PAM: variants seen among roughly 807,000 people sequenced by gnomAD.
PAM encodes the protein peptidylglycine alpha-amidating monooxygenase.
PAM carries 72 observed loss-of-function variants against 122.1 expected under a neutral mutation model. That is an observed-to-expected ratio of 0.59 (90% confidence interval 0.49 to 0.72). The LOEUF is 0.72. Ranked by LOEUF, PAM falls within the 30% of genes least tolerant of loss-of-function variation. The pLI, the probability that PAM is intolerant of heterozygous loss-of-function variation, is 0.00. For synonymous variants in PAM, 389 were observed against 404.4 expected (o/e 0.96, Z 0.46); for missense variants, 1,106 against 1,183.7 (o/e 0.93, Z 0.96).
chr5:103,005,254 T>C (rs1395392810), intron 18 of PAM, 28 bp downstream of exon 18: 1 of 996,376 alleles, frequency 1.0e-6, no homozygotes, highest in African/African-American at 1.6e-5. Flanking sequence ...AATATTCAAA[T>C]TAGAAGCTAA....
At chr5:102,874,704 A>G (rs761963365) in intron 3 of PAM, among the ~76,000 whole-genome samples, 2 of 151,960 alleles carry the variant, frequency 1.3e-5, no homozygotes, top group South Asian at 2.1e-4. Flanking sequence ...ATGATCACCT[A>G]TTTTCTCAAT....
At chr5:102,861,587 A>G (rs898782735) in intron 1 of PAM, among the ~76,000 whole-genome samples, 4 of 152,206 alleles carry the variant, frequency 2.6e-5, no homozygotes, top group African/African-American at 9.7e-5. Flanking sequence ...GGATTATTTT[A>G]CTAATAAAAG....
At chr5:102,845,415 G>A (rs1779729867) in intron 1 of PAM, among the ~76,000 whole-genome samples, 1 of 152,206 alleles carries the variant, frequency 6.6e-6, no homozygotes, top group East Asian at 1.9e-4. Flanking sequence ...TAATGTTAAA[G>A]TGATGCCGTG....
intron 1 of PAM, among the ~76,000 whole-genome samples, chr5:102,847,122 A>C (rs971354249): frequency 1.3e-5 from 2 of 152,074 alleles, no homozygotes; most frequent in African/African-American, 4.8e-5. Context: ...GCTCCTAAGC[A>C]CTCATTTTTC....
chr5:102,838,623 A>C (rs1777719027), intron 1 of PAM: 1 of 152,124 alleles, frequency 6.6e-6, no homozygotes, highest in Non-Finnish European at 1.5e-5. Flanking sequence ...CTCAATGTAG[A>C]TGCCTGTTTT....
intron 1 of PAM, among the ~76,000 whole-genome samples, chr5:102,862,687 T>C (rs1355151249): frequency 2.6e-5 from 4 of 152,210 alleles, no homozygotes; most frequent in Non-Finnish European, 5.9e-5. Flanking sequence ...ATAGGGAATA[T>C]TTATTATGTG....
At chr5:102,976,233 A>T (rs1483992193) in intron 15 of PAM, among the ~76,000 whole-genome samples, 1 of 152,204 alleles carries the variant, frequency 6.6e-6, no homozygotes, top group African/African-American at 2.4e-5. Context: ...AAAACTTTTA[A>T]AAAATAAAAT....
intron 1 of PAM, among the ~76,000 whole-genome samples, chr5:102,843,095 G>A (rs1779062845): frequency 6.6e-6 from 1 of 152,118 alleles, no homozygotes; most frequent in Non-Finnish European, 1.5e-5. Context: ...CTAACCTAAA[G>A]CCTAATTATG....
At chr5:102,806,058 A>G (rs1766137231) in intron 1 of PAM, among the ~76,000 whole-genome samples, 1 of 152,194 alleles carries the variant, frequency 6.6e-6, no homozygotes, top group Admixed American at 6.5e-5. Flanking sequence ...CTTTTTAAAA[A>G]AACATCTAAC....
chr5:102,934,270 C>G (rs1752548455), intron 7 of PAM, among the ~76,000 whole-genome samples: 1 of 152,128 alleles, frequency 6.6e-6, no homozygotes, highest in African/African-American at 2.4e-5. Context: ...CTCATCCTAG[C>G]CTTCCCTGAA....
Position 103,003,040 on chromosome 5 carries a change from G to A in PAM, c.1621G>A (p.Asp541Asn), listed in dbSNP as rs766046657. 5.2e-6 allele frequency: 8 copies of A among 1,541,904 alleles called. No homozygotes were observed. Among genetic ancestry groups the A allele is most frequent in the Non-Finnish European group, 7.2e-6 (8 of 1,114,682 alleles). Residue 541 changes from aspartate to asparagine, a missense_variant, in exon 17 of 26, where the codon GAC becomes AAC. This residue lies in a region of PAM where 670 missense variants were observed against 690.3 expected (regional missense o/e 0.97). Coordinates refer to ENST00000438793, the MANE Select transcript of PAM (RefSeq NM_001177306.2). Reference protein sequence around the residue: ...GDHVWDGNSFDSKFVYQQIGL... With the variant: ...GDHVWDGNSFNSKFVYQQIGL... ...TTAATGCTTTTTGTTTAGCTCGTTTGACAGCAAGTTTGTTTACCAGCAAAT... is the reference window on the plus strand; with the variant it reads ...TTAATGCTTTTTGTTTAGCTCGTTTAACAGCAAGTTTGTTTACCAGCAAAT...
At chr5:102,861,424 A>G (rs753395434) in intron 1 of PAM, among the ~76,000 whole-genome samples, 1 of 152,224 alleles carries the variant, frequency 6.6e-6, no homozygotes, top group African/African-American at 2.4e-5. Context: ...GAAACATAAA[A>G]CAAACACTGA....
At chr5:102,778,077 C>T (rs944540416) in intron 1 of PAM, among the ~76,000 whole-genome samples, 5 of 152,050 alleles carry the variant, frequency 3.3e-5, no homozygotes, top group African/African-American at 1.2e-4. Flanking sequence ...ACCTCTTGGA[C>T]CCCTGTTAGA....
intron 6 of PAM, among the ~76,000 whole-genome samples, chr5:102,925,631 C>T (rs1749161913): frequency 6.6e-6 from 1 of 152,102 alleles, no homozygotes; most frequent in African/African-American, 2.4e-5. Context: ...TACTCATTGC[C>T]AGCATCATTA....
intron 16 of PAM, among the ~76,000 whole-genome samples, chr5:103,000,166 G>A (rs1050030441): frequency 2.0e-5 from 3 of 152,138 alleles, no homozygotes; most frequent in Non-Finnish European, 4.4e-5. Context: ...TGAATGCTTT[G>A]CTGCTTAGAC....
intron 3 of PAM, among the ~76,000 whole-genome samples, chr5:102,871,729 A>T (rs1655498447): frequency 1.4e-5 from 2 of 146,562 alleles, no homozygotes; most frequent in African/African-American, 4.9e-5. Context: ...TAATACATTT[A>T]TATATATTAT....
Position 102,959,855 on chromosome 5 carries a change from T to TATC in PAM, c.906-19_906-17dup, listed in dbSNP as rs748296432. 1 of 1,575,752 alleles carries TATC rather than the reference T, an allele frequency of 6.3e-7. No individual in the cohort carries two copies. The highest frequency in any genetic ancestry group is 8.7e-7 in the Non-Finnish European group (1 of 1,146,310). ...TTTTATGTGAATAGTTGATTTGTTATATCTTTTTTTTGCCTGCAGTGGCAC... is the reference window on the plus strand; with the variant it reads ...TTTTATGTGAATAGTTGATTTGTTATATCATCTTTTTTTTGCCTGCAGTGGCAC... On this transcript the variant is annotated intron_variant, in intron 12 of 25. Transcript: ENST00000438793.
intron 15 of PAM, among the ~76,000 whole-genome samples, chr5:102,977,091 TATG>T (rs1021672517): frequency 1.3e-5 from 2 of 152,194 alleles, no homozygotes; most frequent in African/African-American, 4.8e-5. Flanking sequence ...GGAACTGTAA[TATG>T]ATGATGAAGC....
rs567484328 is a variant in PAM, at chr5:102,904,452, C to T, written c.268+3039C>T. Reference sequence around the variant, plus strand: ...GTGAATACTAAATAAGGATTTTGGCCGTTTTCTGACTCAGCATTTCAAACA... The same window carrying T: ...GTGAATACTAAATAAGGATTTTGGCTGTTTTCTGACTCAGCATTTCAAACA... On this transcript the variant is annotated intron_variant, in intron 4 of 25. Coordinates refer to ENST00000438793, the MANE Select transcript of PAM (RefSeq NM_001177306.2). Among the ~76,000 whole-genome samples, 16 of 151,556 alleles carry T rather than the reference C, an allele frequency of 1.1e-4. No individual in the cohort carries two copies. In the South Asian group the frequency reaches 2.7e-3, roughly 26 times the overall value.
Sources: gnomAD v4.1 joint callset for allele counts (sites outside exome capture counted in the v4.1 genomes callset) on GRCh38, gnomAD v4.1.1 for gene constraint, gnomAD v4.1.1 regional missense constraint, MANE v1.5 for transcripts, NCBI Gene and HGNC (gene_info 2026-07-23, HGNC 2026-07-21) for gene names.